Variants in PKN2 observed in about 807,000 individuals in gnomAD.
PKN2 encodes serine/threonine-protein kinase N2.
Under a neutral mutation model 119.1 loss-of-function variants are expected in PKN2, and 38 were observed. The ratio of observed to expected loss-of-function variants is 0.32; its 90% CI spans 0.25 to 0.42. The LOEUF (loss-of-function observed/expected upper bound fraction) is 0.42. Among genes scored for constraint, PKN2 ranks in the 10% least tolerant of loss-of-function variants. The pLI is 1.00. For synonymous variants in PKN2, 390 were observed against 384.9 expected (o/e 1.01, Z -0.15); for missense variants, 850 against 1,165.1 (o/e 0.73, Z 3.94).
At chr1:88,703,304 A>G (rs989399001) in intron 1 of PKN2, among the ~76,000 whole-genome samples, 10 of 152,132 alleles carry the variant, frequency 6.6e-5, no homozygotes, top group African/African-American at 2.4e-4. Context: ...ATAAAGTCTA[A>G]AACGTGCAGA....
chr1:88,723,728 C>T (rs905019630), intron 1 of PKN2, among the ~76,000 whole-genome samples: 7 of 152,150 alleles, frequency 4.6e-5, no homozygotes, highest in Admixed American at 1.3e-4. Context: ...TTTCAATGTA[C>T]TTTTGCCTCA....
chr1:88,805,712 T>C (rs751791750), intron 11 of PKN2, 41 bp downstream of exon 11: 41 of 1,608,056 alleles, frequency 2.5e-5, no homozygotes, highest in South Asian at 1.3e-4. Flanking sequence ...TACAAAGTTA[T>C]TGGGACATTC....
intron 15 of PKN2, among the ~76,000 whole-genome samples, chr1:88,809,258 A>G (rs1306845826): frequency 6.6e-6 from 1 of 152,132 alleles, no homozygotes; most frequent in Non-Finnish European, 1.5e-5. Context: ...GTACCATATT[A>G]CATGTTTAGA....
chr1:88,742,570 C>T lies in PKN2; in HGVS notation c.349+1282C>T, dbSNP rs563922872. Among the ~76,000 whole-genome samples the T allele has an allele frequency of 7.9e-5, 12 of 151,960 alleles. No individual in the cohort carries two copies. In the South Asian group the frequency reaches 1.7e-3, roughly 21 times the overall value. On this transcript the variant is annotated intron_variant, in intron 2 of 21. Transcript: ENST00000370521. ...GAATCACCAATCTAGTTAAAAAGAA[C>T]GCTTCAGCTCTTCATCTAGTATTCT...
intron 1 of PKN2, among the ~76,000 whole-genome samples, chr1:88,718,181 C>G (rs1235770576): frequency 6.6e-6 from 1 of 152,212 alleles, no homozygotes; most frequent in African/African-American, 2.4e-5. Context: ...GATCCTTCCT[C>G]TGGAAGCTTT....
intron 4 of PKN2, among the ~76,000 whole-genome samples, chr1:88,770,998 A>C (rs1416125366): frequency 6.6e-6 from 1 of 151,592 alleles, no homozygotes; most frequent in Non-Finnish European, 1.5e-5. Flanking sequence ...TCTTCATTTA[A>C]ATAGATTATC....
chr1:88,699,384 TTAATG>T (rs1170154055), intron 1 of PKN2, among the ~76,000 whole-genome samples: 3 of 152,216 alleles, frequency 2.0e-5, no homozygotes, highest in African/African-American at 7.2e-5. Context: ...CTAGAATTAT[TTAATG>T]TAATTTTAAT....
chr1:88,803,676 T>C (rs1305070584), intron 8 of PKN2, among the ~76,000 whole-genome samples: 2 of 152,222 alleles, frequency 1.3e-5, no homozygotes, highest in African/African-American at 4.8e-5. Context: ...GTGTATTCTC[T>C]CATACGGCTT....
At chr1:88,699,773 T>C (rs1666699488) in intron 1 of PKN2, among the ~76,000 whole-genome samples, 1 of 152,212 alleles carries the variant, frequency 6.6e-6, no homozygotes, top group South Asian at 2.1e-4. Context: ...CTTTTATTTT[T>C]TTTTTAATTT....
intron 17 of PKN2, among the ~76,000 whole-genome samples, chr1:88,823,990 C>CA (rs1672398450): frequency 1.2e-5 from 1 of 84,962 alleles, no homozygotes; most frequent in Non-Finnish European, 2.2e-5. Flanking sequence ...GCCTGGGTGA[C>CA]AAAGTGAGAC....
At chr1:88,727,473 A>G (rs1381902024) in intron 1 of PKN2, among the ~76,000 whole-genome samples, 2 of 152,140 alleles carry the variant, frequency 1.3e-5, no homozygotes, top group African/African-American at 2.4e-5. Context: ...ACCCGGCCCA[A>G]GGCCACATTT....
At chr1:88,733,069 A>G (rs527549417) in intron 1 of PKN2, among the ~76,000 whole-genome samples, 4 of 152,300 alleles carry the variant, frequency 2.6e-5, no homozygotes, top group Non-Finnish European at 5.9e-5. Context: ...GTAACAAGAA[A>G]CATAAAAATA....
chr1:88,791,870 A>G (rs1670855655), intron 8 of PKN2, among the ~76,000 whole-genome samples: 1 of 152,218 alleles, frequency 6.6e-6, no homozygotes, highest in Non-Finnish European at 1.5e-5. Flanking sequence ...TCCCTAGAAA[A>G]GGATAAAAAT....
At chr1:88,771,365 C>G (rs1204750590) in intron 4 of PKN2, 56 bp from the exon 5 acceptor site, 4 of 1,365,798 alleles carry the variant, frequency 2.9e-6, no homozygotes. Flanking sequence ...ATTTTAATCA[C>G]TGCAAATTGG....
intron 16 of PKN2, among the ~76,000 whole-genome samples, chr1:88,819,283 A>T (rs540155129): frequency 6.6e-6 from 1 of 152,224 alleles, no homozygotes. Flanking sequence ...CCATCTGACA[A>T]AGGGCTAATA....
chr1:88,729,189 C>A (rs1399252798), intron 1 of PKN2, among the ~76,000 whole-genome samples: 1 of 152,166 alleles, frequency 6.6e-6, no homozygotes, highest in Non-Finnish European at 1.5e-5. Flanking sequence ...CCACTGCGCC[C>A]AGCCAACATT....
intron 2 of PKN2, among the ~76,000 whole-genome samples, chr1:88,756,226 G>GT (rs1363661994): frequency 6.6e-6 from 1 of 152,092 alleles, no homozygotes. Context: ...ACAACCTGCT[G>GT]TAATGTTTAA....
intron 8 of PKN2, among the ~76,000 whole-genome samples, chr1:88,789,975 GT>G (rs749659641): frequency 4.6e-5 from 7 of 151,834 alleles, no homozygotes; most frequent in Admixed American, 2.0e-4. Flanking sequence ...TCTTTGTTTT[GT>G]TTTGCTTAGT....
At chr1:88,754,552 A>G (rs972337194) in intron 2 of PKN2, among the ~76,000 whole-genome samples, 1 of 152,244 alleles carries the variant, frequency 6.6e-6, no homozygotes, top group South Asian at 2.1e-4. Context: ...GAAGAAAACA[A>G]TCGCATTTTA....
Sources: allele counts gnomAD v4.1 joint callset (sites outside exome capture counted in the v4.1 genomes callset), GRCh38; gene constraint gnomAD v4.1.1; transcripts MANE v1.5; gene names NCBI Gene and HGNC (gene_info 2026-07-23, HGNC 2026-07-21).